ABCC4: variants seen among roughly 807,000 people sequenced by gnomAD.
The protein encoded by ABCC4 is ATP binding cassette subfamily C member 4 (PEL blood group).
ABCC4 carries 102 observed loss-of-function variants against 168.5 expected under a neutral mutation model. The ratio of observed to expected loss-of-function variants is 0.61; its 90% CI spans 0.52 to 0.71. The LOEUF (loss-of-function observed/expected upper bound fraction) is 0.71, where lower values mean the gene tolerates loss of function less well. Ranked by LOEUF, ABCC4 falls within the 30% of genes least tolerant of loss-of-function variation. The pLI is 0.00. For missense variants in ABCC4, 1,402 were observed against 1,605.8 expected (o/e 0.87, Z 2.17); for synonymous variants, 617 against 590.7 (o/e 1.04, Z -0.65).
intron 1 of ABCC4, among the ~76,000 whole-genome samples, chr13:95,291,217 TG>T (rs1464818072): frequency 1.3e-5 from 2 of 151,918 alleles, no homozygotes; most frequent in Non-Finnish European, 2.9e-5. Flanking sequence ...TAGCCAGCTG[TG>T]GTGGCCCGCA....
chr13:95,256,321 C>A (rs1428572866), intron 1 of ABCC4, among the ~76,000 whole-genome samples: 1 of 152,178 alleles, frequency 6.6e-6, no homozygotes, highest in East Asian at 1.9e-4. Context: ...TTGCAACTAG[C>A]AAGTGAAGGA....
intron 1 of ABCC4, among the ~76,000 whole-genome samples, chr13:95,276,383 C>A (rs560224270): frequency 7.2e-6 from 1 of 138,816 alleles, no homozygotes; most frequent in Admixed American, 7.9e-5. Context: ...CCACTGCACT[C>A]GAGCCTGGGA....
rs377218391 is a variant in ABCC4 at position 95,188,510 on chromosome 13, G to T, written c.1296C>A (p.Ser432=). ...ACAATTCGCCAGGTCTGACAGTAAA[G>T]GAAAGGCCTTGTAGAGTTGGGGTCT... ...ASETPTLQGL[S]FTVRPGELLA... is the part of the protein sequence containing the mutation. Residue 432 remains serine (S), a synonymous_variant, in exon 10 of 31, where the codon TCC becomes TCA. Coordinates refer to ENST00000645237, the MANE Select transcript of ABCC4 (RefSeq NM_005845.5). 2.2e-5 allele frequency: 36 copies of T among 1,614,048 alleles called. No homozygotes were observed. The African/African-American group carries it at 4.7e-4, about 21-fold the overall frequency.
chr13:95,191,055 A>G (rs2038235802), intron 9 of ABCC4, among the ~76,000 whole-genome samples: 1 of 152,236 alleles, frequency 6.6e-6, no homozygotes, highest in Admixed American at 6.5e-5. Context: ...GGAAGCACGC[A>G]TGGAGTCAAC....
intron 19 of ABCC4, among the ~76,000 whole-genome samples, chr13:95,151,749 C>A (rs548281143): frequency 3.9e-5 from 6 of 152,270 alleles, no homozygotes; most frequent in African/African-American, 7.2e-5. Flanking sequence ...GGGACCACAA[C>A]TGACGATGAG....
chr13:95,034,063 A>G (rs897059438), intron 30 of ABCC4, among the ~76,000 whole-genome samples: 2 of 152,230 alleles, frequency 1.3e-5, no homozygotes, highest in South Asian at 4.1e-4. Flanking sequence ...CAGTGAGAGT[A>G]TTATGTAACA....
chr13:95,088,371 A>G (rs1017073555), intron 20 of ABCC4, among the ~76,000 whole-genome samples: 4 of 152,242 alleles, frequency 2.6e-5, no homozygotes, highest in Admixed American at 2.6e-4. Flanking sequence ...CGACAGAGAA[A>G]ATTTGAAAAC....
intron 11 of ABCC4, among the ~76,000 whole-genome samples, chr13:95,184,140 C>T (rs2037986498): frequency 6.6e-6 from 1 of 152,214 alleles, no homozygotes; most frequent in Admixed American, 6.5e-5. Flanking sequence ...ACGCAGAAGC[C>T]CGCAGGTGCC....
intron 20 of ABCC4, among the ~76,000 whole-genome samples, chr13:95,114,563 T>C (rs1189390397): frequency 6.6e-6 from 1 of 151,718 alleles, no homozygotes; most frequent in Non-Finnish European, 1.5e-5. Flanking sequence ...ATTTTAAAAA[T>C]GTTTGCAAAA....
chr13:95,064,293 T>TACAC (rs2033433619), intron 25 of ABCC4, among the ~76,000 whole-genome samples: 1 of 104,230 alleles, frequency 9.6e-6, no homozygotes, highest in Admixed American at 9.1e-5. Context: ...TATATATATA[T>TACAC]ATATACACAC....
chr13:95,108,969 A>G (rs1177824639), intron 20 of ABCC4, among the ~76,000 whole-genome samples: 3 of 152,160 alleles, frequency 2.0e-5, no homozygotes, highest in East Asian at 3.8e-4. Context: ...TCCAGTCATT[A>G]GCAAACACTT....
chr13:95,213,568 G>A (rs1213360444), intron 4 of ABCC4, among the ~76,000 whole-genome samples: 3 of 152,154 alleles, frequency 2.0e-5, no homozygotes, highest in South Asian at 2.1e-4. Flanking sequence ...AGTGCTGACC[G>A]AAGATTCTGG....
intron 25 of ABCC4, among the ~76,000 whole-genome samples, chr13:95,065,981 A>G (rs1172577836): frequency 6.6e-6 from 1 of 152,096 alleles, no homozygotes; most frequent in Admixed American, 6.6e-5. Context: ...TCTGCCTGGC[A>G]CTCCACACTG....
intron 20 of ABCC4, among the ~76,000 whole-genome samples, chr13:95,114,447 C>A (rs567367995): frequency 6.6e-6 from 1 of 152,188 alleles, no homozygotes; most frequent in Non-Finnish European, 1.5e-5. Context: ...TTAACAATCC[C>A]TGTCAAAACG....
intron 19 of ABCC4, among the ~76,000 whole-genome samples, chr13:95,156,385 CTGCAGA>C (rs1331268348): frequency 5.3e-5 from 8 of 152,328 alleles, no homozygotes; most frequent in African/African-American, 1.9e-4. Flanking sequence ...CACTGAAATA[CTGCAGA>C]TCATGCTGCC....
chr13:95,050,916 C>T (rs1253009113), intron 27 of ABCC4, among the ~76,000 whole-genome samples: 1 of 152,212 alleles, frequency 6.6e-6, no homozygotes, highest in African/African-American at 2.4e-5. Flanking sequence ...CAAGGAATCT[C>T]AAGCTCTGAA....
chr13:95,290,566 G>T (rs1222552288), intron 1 of ABCC4, among the ~76,000 whole-genome samples: 1 of 151,974 alleles, frequency 6.6e-6, no homozygotes, highest in African/African-American at 2.4e-5. Context: ...TCAGCTAGGC[G>T]TAGTGCCACA....
intron 3 of ABCC4, among the ~76,000 whole-genome samples, chr13:95,236,099 T>C (rs1594353023): frequency 1.3e-5 from 2 of 152,170 alleles, no homozygotes; most frequent in East Asian, 3.9e-4. Flanking sequence ...CGGTTTGAGG[T>C]AAGCAAAGGA....
chr13:95,164,644 G>C, intron 15 of ABCC4, 126 bp from the exon 16 acceptor site: 1 of 958,662 alleles, frequency 1.0e-6, no homozygotes, highest in Non-Finnish European at 1.5e-6. Flanking sequence ...ATCTCCTGTG[G>C]AGAAGGGTGT....
Sources: gnomAD v4.1 joint callset for allele counts (sites outside exome capture counted in the v4.1 genomes callset) on GRCh38, gnomAD v4.1.1 for gene constraint, MANE v1.5 for transcripts, NCBI Gene and HGNC (gene_info 2026-07-23, HGNC 2026-07-21) for gene names.